The following PPM1H variants were observed in gnomAD, a reference collection of about 807,000 sequenced individuals.
PPM1H encodes protein phosphatase 1H.
PPM1H carries 27 observed loss-of-function variants against 54.9 expected under a neutral mutation model. The observed-to-expected ratio is 0.49, with a 90% CI of 0.36 to 0.68. PPM1H has a LOEUF of 0.68. Ranked by LOEUF, PPM1H falls within the 30% of genes least tolerant of loss-of-function variation. The pLI is 0.00. For synonymous variants in PPM1H, 305 were observed against 270.8 expected (o/e 1.13, Z -1.24); for missense variants, 596 against 667.8 (o/e 0.89, Z 1.19).
chr12:62,906,850 C>T (rs193025155), intron 1 of PPM1H, among the ~76,000 whole-genome samples: 2 of 152,318 alleles, frequency 1.3e-5, no homozygotes, highest in East Asian at 3.9e-4. Flanking sequence ...TAAATCCAAT[C>T]AGACATGTAT....
At chr12:62,678,992 A>G (rs1416834747) in intron 8 of PPM1H, among the ~76,000 whole-genome samples, 1 of 147,678 alleles carries the variant, frequency 6.8e-6, no homozygotes, top group East Asian at 2.0e-4. Flanking sequence ...CAGCCCGTAT[A>G]CTCTTTGTTT....
At chr12:62,775,618 T>TAC (rs58622527) in intron 4 of PPM1H, among the ~76,000 whole-genome samples, 28,445 of 151,900 alleles carry the variant, frequency 0.19, 3,153 homozygotes, top group African/African-American at 0.31. Context: ...AATGAGTGTG[T>TAC]ACACACACAC....
At chr12:62,817,116 T>TAAAAAAAAA (rs1189819660) in intron 2 of PPM1H, among the ~76,000 whole-genome samples, 1 of 41,788 alleles carries the variant, frequency 2.4e-5, no homozygotes, top group Non-Finnish European at 4.6e-5. Context: ...ACTGCATTAC[T>TAAAAAAAAA]AAAAAAAAAA....
At chr12:62,763,348 C>T (rs374677764) in intron 4 of PPM1H, among the ~76,000 whole-genome samples, 5 of 152,190 alleles carry the variant, frequency 3.3e-5, no homozygotes, top group Non-Finnish European at 7.3e-5. Context: ...GCACACCATG[C>T]TATGAAGATC....
At chr12:62,745,534 T>C (rs555292000) in intron 4 of PPM1H, among the ~76,000 whole-genome samples, 3 of 152,312 alleles carry the variant, frequency 2.0e-5, no homozygotes, top group Admixed American at 6.5e-5. Context: ...CATGACCCCA[T>C]GTGCCTCAAG....
intron 4 of PPM1H, among the ~76,000 whole-genome samples, chr12:62,778,544 G>A (rs34935913): frequency 0.062 from 9,391 of 152,170 alleles, 358 homozygotes; most frequent in South Asian, 0.14. Context: ...AGCCTCCTTC[G>A]GCCTAGGTCC....
At chr12:62,671,349 G>A (rs2136617099) in intron 8 of PPM1H, among the ~76,000 whole-genome samples, 1 of 152,124 alleles carries the variant, frequency 6.6e-6, no homozygotes, top group Admixed American at 6.5e-5. Flanking sequence ...CCAAGAAAGG[G>A]AGAAAAAAGC....
chr12:62,925,551 C>G (rs1306838795), intron 1 of PPM1H, among the ~76,000 whole-genome samples: 1 of 152,208 alleles, frequency 6.6e-6, no homozygotes, highest in East Asian at 1.9e-4. Flanking sequence ...GCACTTCAAC[C>G]TGGGTGACAG....
At chr12:62,837,644 A>G (rs552425254) in intron 1 of PPM1H, among the ~76,000 whole-genome samples, 1 of 152,378 alleles carries the variant, frequency 6.6e-6, no homozygotes, top group African/African-American at 2.4e-5. Context: ...CCCTAAAATA[A>G]GAATAGTCAC....
chr12:62,755,940 C>A, intron 4 of PPM1H: 2 of 842,472 alleles, frequency 2.4e-6, no homozygotes, highest in Admixed American at 1.9e-5. Flanking sequence ...GTCCCTACTG[C>A]CAATGTGTCA....
intron 1 of PPM1H, among the ~76,000 whole-genome samples, chr12:62,903,573 G>A (rs895235426): frequency 2.0e-5 from 3 of 152,168 alleles, no homozygotes; most frequent in African/African-American, 7.2e-5. Flanking sequence ...AGAACTCTGT[G>A]ATTTTAGATA....
At chr12:62,876,206 A>G (rs996491302) in intron 1 of PPM1H, among the ~76,000 whole-genome samples, 1 of 152,258 alleles carries the variant, frequency 6.6e-6, no homozygotes, top group Admixed American at 6.5e-5. Flanking sequence ...ATCTAAAAAC[A>G]AAGTGTACAA....
intron 9 of PPM1H, among the ~76,000 whole-genome samples, chr12:62,664,980 CTTT>C (rs773613533): frequency 2.9e-5 from 4 of 137,338 alleles, no homozygotes; most frequent in Admixed American, 7.3e-5. Flanking sequence ...TGAATGTCTT[CTTT>C]TTTTTTTTTT....
At chr12:62,789,777 C>T (rs1398185172) in intron 3 of PPM1H, among the ~76,000 whole-genome samples, 1 of 152,200 alleles carries the variant, frequency 6.6e-6, no homozygotes, top group Non-Finnish European at 1.5e-5. Flanking sequence ...TGTGTTGTTA[C>T]CTGCCACCTA....
chr12:62,652,462 TTTTG>T (rs2075821699), intron 9 of PPM1H, among the ~76,000 whole-genome samples: 2 of 152,240 alleles, frequency 1.3e-5, no homozygotes, highest in African/African-American at 2.4e-5. Context: ...AAGATGATAA[TTTTG>T]TTTATTGCAA....
At chr12:62,865,185 C>T (rs1461024630) in intron 1 of PPM1H, among the ~76,000 whole-genome samples, 3 of 152,156 alleles carry the variant, frequency 2.0e-5, no homozygotes, top group Non-Finnish European at 2.9e-5. Flanking sequence ...AAGAAGGTGT[C>T]CTTTCATTTT....
chr12:62,868,540 G>A (rs774580205), intron 1 of PPM1H, among the ~76,000 whole-genome samples: 14 of 152,144 alleles, frequency 9.2e-5, no homozygotes, highest in Non-Finnish European at 1.3e-4. Flanking sequence ...CTTATTGACC[G>A]CTACTGAAAC....
chr12:62,893,189 T>C (rs1292209153), intron 1 of PPM1H, among the ~76,000 whole-genome samples: 1 of 152,212 alleles, frequency 6.6e-6, no homozygotes, highest in Non-Finnish European at 1.5e-5. Flanking sequence ...CTATGAGGCC[T>C]AAAGTATTTA....
At position 62,832,112 on chromosome 12, in the gene PPM1H, A is replaced by G; in HGVS notation, c.411+2T>C. ...AGAACCAAGGATCGAGAAGGGTCTT[A>G]CCGAGTTCTCCTTCAGCTGCAGCCC... On this transcript the variant is annotated splice_donor_variant, in intron 2 of 9. Coordinates refer to ENST00000228705, the MANE Select transcript of PPM1H (RefSeq NM_020700.2). LOFTEE classifies it high-confidence loss of function. The G allele has an allele frequency of 1.9e-6, 3 of 1,613,534 alleles. No homozygotes were observed. Among genetic ancestry groups the G allele is most frequent in the Non-Finnish European group, 2.5e-6 (3 of 1,179,590 alleles).
Sources: gnomAD v4.1 joint callset for allele counts (sites outside exome capture counted in the v4.1 genomes callset) on GRCh38, gnomAD v4.1.1 for gene constraint, MANE v1.5 for transcripts, NCBI Gene and HGNC (gene_info 2026-07-23, HGNC 2026-07-21) for gene names.